Variants in CDKL5 observed in about 807,000 individuals in gnomAD.
CDKL5 encodes the protein cyclin dependent kinase like 5, also known as cyclin-dependent kinase-like 5.
CDKL5 carries 8 observed loss-of-function variants against 61.7 expected under a neutral mutation model. That is an observed-to-expected ratio of 0.13 (90% CI 0.08 to 0.23). The LOEUF is 0.23. Ranked by LOEUF, CDKL5 falls within the 10% of genes least tolerant of loss-of-function variation. CDKL5 has a pLI of 1.00. For synonymous variants in CDKL5, 275 were observed against 272.3 expected, an observed-to-expected ratio of 1.01 and a Z score of -0.10; for missense variants, 440 against 734.5, an observed-to-expected ratio of 0.60 and a Z score of 4.63.
intron 3 of CDKL5, among the ~76,000 whole-genome samples, chrX:18,545,186 T>C (rs927622091): frequency 9.1e-6 from 1 of 110,351 alleles, no homozygotes; most frequent in Non-Finnish European, 1.9e-5. Flanking sequence ...CAGTGAGCCA[T>C]GATCGAGCCA....
intron 2 of CDKL5, among the ~76,000 whole-genome samples, chrX:18,509,007 C>T (rs767428241): frequency 1.8e-5 from 2 of 108,496 alleles, no homozygotes; most frequent in East Asian, 5.8e-4. Context: ...GCAGGAGAAT[C>T]GCTTGAACCT....
chrX:18,521,395 T>C (rs887079280), intron 3 of CDKL5, among the ~76,000 whole-genome samples: 6 of 111,750 alleles, frequency 5.4e-5, no homozygotes, highest in African/African-American at 2.0e-4. Context: ...AGTTTATTTT[T>C]TCCTTTATTG....
At chrX:18,645,229 T>C (rs1000507732) in intron 19 of CDKL5, among the ~76,000 whole-genome samples, 1 of 111,835 alleles carries the variant, frequency 8.9e-6, no homozygotes, top group Non-Finnish European at 1.9e-5. Flanking sequence ...TTTTAGTGTG[T>C]ATTTTAATTA....
intron 20 of CDKL5, chrX:18,647,685 A>G (rs977994776): frequency 1.3e-5 from 3 of 229,449 alleles, no homozygotes; most frequent in African/African-American, 8.5e-5. Context: ...GTGAAATACC[A>G]TATTTAAATG....
chrX:18,489,368 C>T lies in CDKL5; in HGVS notation c.-162-17567C>T, dbSNP rs141909286. Among the ~76,000 whole-genome samples, 723 of 110,303 alleles carry T rather than the reference C, an allele frequency of 6.6e-3. 2 individuals carry two copies. Among genetic ancestry groups the T allele is most frequent in the Non-Finnish European group, 1.0e-2 (526 of 52,781 alleles). ...TAGAGACGGGGTTTCTCCATGTTGG[C>T]CACGCTGGTCTTGTACTCCTGACCT... On this transcript the variant is annotated intron_variant, in intron 1 of 17. Transcript: ENST00000623535.
At chrX:18,620,322 G>A (rs1207864254) in intron 16 of CDKL5, among the ~76,000 whole-genome samples, 3 of 112,183 alleles carry the variant, frequency 2.7e-5, no homozygotes, top group African/African-American at 6.5e-5. Flanking sequence ...TAGGAAATGG[G>A]TTTTGGTTTA....
At chrX:18,612,067 C>T (rs886817214) in intron 14 of CDKL5, among the ~76,000 whole-genome samples, 1 of 111,676 alleles carries the variant, frequency 9.0e-6, no homozygotes, top group Non-Finnish European at 1.9e-5. Context: ...ATAACTATCC[C>T]CCCAAAAGCA....
intron 3 of CDKL5, among the ~76,000 whole-genome samples, chrX:18,554,191 A>G (rs772104585): frequency 9.3e-6 from 1 of 107,039 alleles, no homozygotes; most frequent in African/African-American, 3.4e-5. Flanking sequence ...CATTAGGTAT[A>G]TCTCCTAATG....
At chrX:18,489,159 C>T (rs1296528600) in intron 1 of CDKL5, among the ~76,000 whole-genome samples, 1 of 110,064 alleles carries the variant, frequency 9.1e-6, no homozygotes, top group Non-Finnish European at 1.9e-5. Flanking sequence ...CGCTCTGTCA[C>T]CCAGGCTGGA....
At chrX:18,607,900 T>C in intron 12 of CDKL5, among the ~76,000 whole-genome samples, 1 of 111,861 alleles carries the variant, frequency 8.9e-6, no homozygotes, top group Non-Finnish European at 1.9e-5. Flanking sequence ...ATCCTCAGAG[T>C]ACATTTGGAG....
intron 1 of CDKL5, among the ~76,000 whole-genome samples, chrX:18,461,466 T>C (rs747763072): frequency 1.8e-5 from 2 of 112,177 alleles, no homozygotes; most frequent in Non-Finnish European, 3.8e-5. Flanking sequence ...TCAAAAGACC[T>C]TAAAAGAATA....
chrX:18,488,951 G>T (rs1921888278), intron 1 of CDKL5, among the ~76,000 whole-genome samples: 1 of 111,311 alleles, frequency 9.0e-6, no homozygotes, highest in African/African-American at 3.3e-5. Flanking sequence ...ATGATTGCAG[G>T]CCCTGAAAGA....
chrX:18,562,247 T>G (rs1247134216), intron 3 of CDKL5, among the ~76,000 whole-genome samples: 1 of 111,862 alleles, frequency 8.9e-6, no homozygotes, highest in Admixed American at 9.5e-5. Flanking sequence ...GATGTCAGTT[T>G]GTCATTATAT....
At chrX:18,512,293 G>C (rs779141852) in intron 3 of CDKL5, among the ~76,000 whole-genome samples, 7 of 111,916 alleles carry the variant, frequency 6.3e-5, no homozygotes, top group Non-Finnish European at 3.8e-5. Context: ...ATTTATGTCT[G>C]TGGTGATTTT....
intron 20 of CDKL5, among the ~76,000 whole-genome samples, chrX:18,649,052 A>G (rs1168138740): frequency 9.2e-6 from 1 of 109,109 alleles, no homozygotes; most frequent in Non-Finnish European, 1.9e-5. Context: ...AAAAAAAAAA[A>G]AAAAAAAGAA....
chrX:18,426,188 C>T (rs934382172), intron 1 of CDKL5: 6 of 112,744 alleles, frequency 5.3e-5, no homozygotes, highest in African/African-American at 1.9e-4. Context: ...GGCCCGGGCC[C>T]TTCTGACCTT....
intron 1 of CDKL5, among the ~76,000 whole-genome samples, chrX:18,434,707 C>A (rs1236512076): frequency 9.0e-6 from 1 of 111,508 alleles, no homozygotes; most frequent in East Asian, 2.8e-4. Context: ...GTGGGCGGAT[C>A]CCTTGAGGTC....
At chrX:18,495,219 T>C (rs898216033) in intron 1 of CDKL5, among the ~76,000 whole-genome samples, 1 of 112,406 alleles carries the variant, frequency 8.9e-6, no homozygotes, top group Non-Finnish European at 1.9e-5. Flanking sequence ...AAACTCATGA[T>C]TCAACTGATT....
At chrX:18,429,998 T>A (rs761684867) in intron 1 of CDKL5, among the ~76,000 whole-genome samples, 1 of 111,782 alleles carries the variant, frequency 8.9e-6, no homozygotes, top group African/African-American at 3.3e-5. Context: ...AAGGTATATG[T>A]ATGCTTCTTG....
Sources: allele counts gnomAD v4.1 joint callset (sites outside exome capture counted in the v4.1 genomes callset), GRCh38; gene constraint gnomAD v4.1.1; transcripts MANE v1.5; gene names NCBI Gene and HGNC (gene_info 2026-07-23, HGNC 2026-07-21).